Variants in TNS1 observed in about 807,000 individuals in gnomAD.
TNS1 encodes tensin 1, also known as tensin-1.
In TNS1, 62 loss-of-function variants were observed where a neutral mutation model predicts 168.6. The ratio of observed to expected loss-of-function variants is 0.37; its 90% CI spans 0.30 to 0.45. The LOEUF (loss-of-function observed/expected upper bound fraction) is 0.45. TNS1 is among the 20% of genes least tolerant of loss of function. TNS1 has a pLI of 1.00. For synonymous variants in TNS1, 934 were observed against 933.2 expected (o/e 1.00, Z -0.02); for missense variants, 2,240 against 2,339.4 (o/e 0.96, Z 0.88).
chr2:217,878,755 C>T (rs1341298904), intron 18 of TNS1, among the ~76,000 whole-genome samples: 1 of 152,146 alleles, frequency 6.6e-6, no homozygotes, highest in Non-Finnish European at 1.5e-5. Flanking sequence ...AAACCGAGGC[C>T]CCAAGGACAG....
intron 3 of TNS1, among the ~76,000 whole-genome samples, chr2:217,944,646 A>C (rs1391299508): frequency 6.6e-6 from 1 of 152,234 alleles, no homozygotes; most frequent in Non-Finnish European, 1.5e-5. Flanking sequence ...GGGCTGAGTT[A>C]GGACATTTGT....
At chr2:217,906,226 A>G (rs1953675911) in intron 6 of TNS1, 109 bp downstream of exon 6, 1 of 656,490 alleles carries the variant, frequency 1.5e-6, no homozygotes, top group Non-Finnish European at 2.8e-6. Flanking sequence ...CCTTCTAGAG[A>G]GAGGTAAAGG....
chr2:218,002,584 T>TGGGGGGTG (rs1365289086), intron 1 of TNS1, among the ~76,000 whole-genome samples: 2 of 1,502 alleles, frequency 1.3e-3, no homozygotes, highest in Non-Finnish European at 2.3e-3. Flanking sequence ...GGGACTCCAT[T>TGGGGGGTG]GGGGGGTGGG....
Position 217,847,677 on chromosome 2 carries a change from A to T in TNS1, c.2840T>A (p.Phe947Tyr), listed in dbSNP as rs770255073. The T allele has an allele frequency of 1.8e-5, 29 of 1,599,164 alleles. No individual in the cohort carries two copies. The highest frequency in any genetic ancestry group is 2.2e-5 in the Non-Finnish European group (26 of 1,167,864). The change falls in exon 19 of 33, where the codon TTC (phenylalanine) becomes TAC (tyrosine). Residue 947 changes from phenylalanine (F) to tyrosine (Y), a missense_variant. Physicochemically the swap from Phe to Tyr is conservative, Grantham distance 22 (BLOSUM62 3). This residue lies in a region of TNS1 where 2,131 missense variants were observed against 2,171.2 expected (regional missense o/e 0.98). Transcript: ENST00000682258. Reference protein sequence around the residue: ...KSPASSSLPAFLPTTHSPPGP... With the variant: ...KSPASSSLPAYLPTTHSPPGP... The stretch of plus-strand genomic sequence containing the variant: ...TGGAGGGCTGTGGGTGGTCGGAAGG[A>T]AGGCAGGCAAGGAGGAAGAGGCTGG...
At chr2:217,960,405 G>C (rs1957468321) in intron 3 of TNS1, among the ~76,000 whole-genome samples, 1 of 152,160 alleles carries the variant, frequency 6.6e-6, no homozygotes, top group Non-Finnish European at 1.5e-5. Context: ...AGGGCAAGGG[G>C]GACCAGTGGG....
intron 11 of TNS1, 40 bp downstream of exon 11, chr2:217,892,908 G>A: frequency 6.2e-7 from 1 of 1,606,532 alleles, no homozygotes; most frequent in South Asian, 1.1e-5. Context: ...GGGTCACACT[G>A]TCGATGTTCA....
intron 1 of TNS1, among the ~76,000 whole-genome samples, chr2:218,029,404 C>T (rs1427667): frequency 0.9 from 137,695 of 152,288 alleles, 62,469 homozygotes; most frequent in African/African-American, 0.98. Flanking sequence ...AATGGAGGGA[C>T]ACATATACCA....
intron 3 of TNS1, among the ~76,000 whole-genome samples, chr2:217,923,553 G>A (rs760115656): frequency 2.0e-5 from 3 of 152,140 alleles, no homozygotes; most frequent in South Asian, 2.1e-4. Flanking sequence ...GTCAGGGTCC[G>A]GGTCTGGAGA....
At chr2:217,808,809 ATGGCCTGAGCTGTTGACACTGG>A (rs1939772712) in intron 30 of TNS1, 138 bp from the exon 31 acceptor site, 1 of 740,164 alleles carries the variant, frequency 1.4e-6, no homozygotes, top group Admixed American at 2.2e-5. Flanking sequence ...TATGAGCAAG[ATGGCCTGAGCTGTTGACACTGG>A]TGACCCAAGC....
chr2:218,006,359 C>T (rs1159339789), upstream of TNS1, among the ~76,000 whole-genome samples: 1 of 152,212 alleles, frequency 6.6e-6, no homozygotes, highest in Non-Finnish European at 1.5e-5. Flanking sequence ...CTTCCAGCTC[C>T]ACCTTCTGCG....
chr2:217,927,393 C>T (rs1232217422), intron 3 of TNS1, among the ~76,000 whole-genome samples: 2 of 152,128 alleles, frequency 1.3e-5, no homozygotes, highest in Non-Finnish European at 2.9e-5. Flanking sequence ...CCATAGGCAA[C>T]CTTGAATGCC....
At chr2:217,979,821 G>A (rs1957996136) in intron 2 of TNS1, among the ~76,000 whole-genome samples, 3 of 152,136 alleles carry the variant, frequency 2.0e-5, no homozygotes, top group Admixed American at 6.5e-5. Flanking sequence ...GGGGGAGATA[G>A]GGGAGTGCCC....
chr2:217,925,049 C>T (rs1013761441), intron 3 of TNS1, among the ~76,000 whole-genome samples: 2 of 152,168 alleles, frequency 1.3e-5, no homozygotes, highest in Admixed American at 1.3e-4. Flanking sequence ...TTCATCTGCT[C>T]ATAATCGTTA....
chr2:217,813,658 G>C lies in TNS1; in HGVS notation c.4861+27C>G. The C allele has an allele frequency of 6.3e-7, 1 of 1,591,174 alleles. No individual in the cohort carries two copies. The highest frequency in any genetic ancestry group is 8.6e-7 in the Non-Finnish European group (1 of 1,167,436). ...GCGACTGTAAAGCTCACCTGGTCCT[G>C]AGCCCCATTCTGGGAGATGAGGTTA... is the stretch of plus-strand genomic sequence containing the variant. On this transcript the variant is annotated intron_variant, in intron 26 of 32. Coordinates refer to ENST00000682258, the MANE Select transcript of TNS1 (RefSeq NM_001387777.1). This position sits in a 1 kb window ranked among gnomAD's most constrained non-coding sequence, Gnocchi z 4.0.
At chr2:217,912,976 G>C (rs1258251159) in intron 4 of TNS1, among the ~76,000 whole-genome samples, 1 of 152,194 alleles carries the variant, frequency 6.6e-6, no homozygotes, top group African/African-American at 2.4e-5. Context: ...CAGGGAGGGT[G>C]GCCGCTCAAT....
At chr2:217,964,151 C>T (rs143673790) in intron 3 of TNS1, among the ~76,000 whole-genome samples, 69 of 152,322 alleles carry the variant, frequency 4.5e-4, no homozygotes, top group Non-Finnish European at 7.1e-4. Flanking sequence ...CTTCCTCCAC[C>T]CAACCCAACT....
At chr2:217,855,999 C>T (rs1948089800) in intron 18 of TNS1, among the ~76,000 whole-genome samples, 1 of 152,212 alleles carries the variant, frequency 6.6e-6, no homozygotes, top group Non-Finnish European at 1.5e-5. Flanking sequence ...TGGACATTAA[C>T]TTCCCTAGAC....
chr2:217,803,708 T>C lies in TNS1; in HGVS notation c.*751A>G, dbSNP rs1027760394. The C allele has an allele frequency of 1.3e-5, 2 of 152,714 alleles. No individual in the cohort carries two copies. Among genetic ancestry groups the C allele is most frequent in the Non-Finnish European group, 2.9e-5 (2 of 68,120 alleles). 9.5% of individuals were successfully genotyped at this position (152,714 alleles called of 1,614,324 possible). A position where few individuals can be genotyped will look rare whatever the true frequency, so the allele number is the denominator to read the frequency against. ...ACCAGGAGAGAGCCTCTGTCACCCA[T>C]AGCTTGGTTGTTTGTCCCTCCCCTG... is the stretch of plus-strand genomic sequence containing the variant. On this transcript the variant is annotated 3_prime_UTR_variant, in exon 33 of 33. Coordinates refer to ENST00000682258, the MANE Select transcript of TNS1 (RefSeq NM_001387777.1).
chr2:217,859,501 A>T (rs762874189), intron 18 of TNS1: 27 of 718,782 alleles, frequency 3.8e-5, no homozygotes, highest in Non-Finnish European at 3.8e-5. Flanking sequence ...CTGGGGTGTC[A>T]CCCAGGCAGG....
Sources: allele counts gnomAD v4.1 joint callset (sites outside exome capture counted in the v4.1 genomes callset), GRCh38; gene constraint gnomAD v4.1.1; regional missense constraint gnomAD v4.1.1; non-coding constraint Gnocchi (gnomAD v3.1); transcripts MANE v1.5; gene names NCBI Gene and HGNC (gene_info 2026-07-23, HGNC 2026-07-21).